Variants in CCDC171 observed in about 807,000 individuals in gnomAD.
CCDC171 encodes the protein coiled-coil domain containing 171.
A neutral mutation model predicts 168.2 loss-of-function variants in CCDC171; 177 were observed. The ratio of observed to expected loss-of-function variants is 1.05; its 90% CI spans 0.93 to 1.19. The LOEUF (loss-of-function observed/expected upper bound fraction) is 1.19. CCDC171 is among the 50% of genes most tolerant of loss of function. The pLI is 0.00. For missense variants in CCDC171, 1,991 were observed against 1,539.0 expected, an observed-to-expected ratio of 1.29 and a Z score of -4.91; for synonymous variants, 687 against 540.8, an observed-to-expected ratio of 1.27 and a Z score of -3.75.
chr9:15,679,375 A>G (rs2049879435), intron 10 of CCDC171, among the ~76,000 whole-genome samples: 1 of 152,200 alleles, frequency 6.6e-6, no homozygotes, highest in Non-Finnish European at 1.5e-5. Context: ...TTTAAAACTC[A>G]TCAGCATCTC....
intron 18 of CCDC171, among the ~76,000 whole-genome samples, chr9:15,747,441 G>T (rs1415539855): frequency 6.6e-6 from 1 of 152,166 alleles, no homozygotes; most frequent in Non-Finnish European, 1.5e-5. Context: ...CCTGACCCTC[G>T]TGTAGCCTGA....
chr9:15,893,797 G>A (rs559041418), intron 24 of CCDC171, among the ~76,000 whole-genome samples: 3 of 152,266 alleles, frequency 2.0e-5, no homozygotes, highest in South Asian at 2.1e-4. Context: ...TGGTGAGGTC[G>A]TGGAGAAAAA....
At chr9:15,682,562 C>T (rs1434190083) in intron 10 of CCDC171, among the ~76,000 whole-genome samples, 1 of 151,776 alleles carries the variant, frequency 6.6e-6, no homozygotes, top group South Asian at 2.1e-4. Context: ...TGGGTAATTA[C>T]TATCTCAAAC....
intron 16 of CCDC171, among the ~76,000 whole-genome samples, chr9:15,742,317 A>G (rs1170239196): frequency 6.6e-6 from 1 of 152,208 alleles, no homozygotes; most frequent in Non-Finnish European, 1.5e-5. Context: ...GTAGCACATA[A>G]GGTACTCAGT....
intron 6 of CCDC171, among the ~76,000 whole-genome samples, chr9:15,598,239 T>C (rs1007775401): frequency 1.2e-4 from 18 of 152,172 alleles, no homozygotes; most frequent in African/African-American, 4.1e-4. Flanking sequence ...AATTGTGATG[T>C]TAGGGTGTCA....
At chr9:15,797,201 C>A (rs2058599471) in intron 21 of CCDC171, among the ~76,000 whole-genome samples, 1 of 152,058 alleles carries the variant, frequency 6.6e-6, no homozygotes, top group African/African-American at 2.4e-5. Context: ...TCTGTTCAAA[C>A]CATGTGATAT....
chr9:15,928,317 A>G (rs1826117351), intron 25 of CCDC171, among the ~76,000 whole-genome samples: 1 of 151,704 alleles, frequency 6.6e-6, no homozygotes, highest in South Asian at 2.1e-4. Flanking sequence ...TTGAAATCTC[A>G]GTTGAAAAAA....
chr9:15,757,306 GT>G (rs1470246587), intron 18 of CCDC171, among the ~76,000 whole-genome samples: 2 of 152,178 alleles, frequency 1.3e-5, no homozygotes, highest in South Asian at 2.1e-4. Context: ...TGAGGAACTT[GT>G]AGGGTATTGG....
chr9:16,016,467 A>G (rs1410046248), intron 3 of CCDC171, among the ~76,000 whole-genome samples: 1 of 152,216 alleles, frequency 6.6e-6, no homozygotes, highest in East Asian at 1.9e-4. Flanking sequence ...AGCAATGGCC[A>G]GAGCTGCTGA....
chr9:15,946,067 A>C (rs1828336874), intron 25 of CCDC171, among the ~76,000 whole-genome samples: 1 of 151,958 alleles, frequency 6.6e-6, no homozygotes, highest in Non-Finnish European at 1.5e-5. Context: ...ATAAGGTGTA[A>C]GGAAGGGATC....
At chr9:15,928,776 A>G (rs1385933902) in intron 25 of CCDC171, among the ~76,000 whole-genome samples, 13 of 151,762 alleles carry the variant, frequency 8.6e-5, no homozygotes, top group Admixed American at 2.0e-4. Flanking sequence ...CTCAGTCAGC[A>G]TGCAAAATAT....
At chr9:15,995,641 G>A (rs966130264) in intron 3 of CCDC171, among the ~76,000 whole-genome samples, 3 of 152,320 alleles carry the variant, frequency 2.0e-5, no homozygotes, top group South Asian at 2.1e-4. Flanking sequence ...ACTTGTTCTC[G>A]TATCAGATTT....
At chr9:16,006,583 C>T (rs1007620235) in intron 3 of CCDC171, among the ~76,000 whole-genome samples, 1 of 143,474 alleles carries the variant, frequency 7.0e-6, no homozygotes, top group Non-Finnish European at 1.5e-5. Flanking sequence ...CCTCCCCCCT[C>T]CCCTCACCCC....
intron 16 of CCDC171, 54 bp downstream of exon 16, chr9:15,729,852 A>G: frequency 6.8e-7 from 1 of 1,474,538 alleles, no homozygotes; most frequent in South Asian, 1.3e-5. Flanking sequence ...TGTAACCATT[A>G]GAAACTTTTT....
chr9:15,989,674 C>G (rs1832120733), intron 3 of CCDC171, among the ~76,000 whole-genome samples: 2 of 151,926 alleles, frequency 1.3e-5, no homozygotes, highest in South Asian at 2.1e-4. Context: ...AGCTAAAAAC[C>G]TTGAAAAAAA....
intron 25 of CCDC171, among the ~76,000 whole-genome samples, chr9:15,950,594 G>A (rs1308057709): frequency 6.6e-6 from 1 of 151,896 alleles, no homozygotes; most frequent in Non-Finnish European, 1.5e-5. Flanking sequence ...GTCACCACCA[G>A]ACCTGCCCTA....
chr9:15,777,398 T>A (rs1272298867), intron 18 of CCDC171, among the ~76,000 whole-genome samples: 2 of 152,210 alleles, frequency 1.3e-5, no homozygotes, highest in Non-Finnish European at 2.9e-5. Context: ...TTTTTTTTGA[T>A]GTATTCTTTA....
intron 10 of CCDC171, among the ~76,000 whole-genome samples, chr9:15,682,484 T>A (rs2133491841): frequency 6.6e-6 from 1 of 152,164 alleles, no homozygotes; most frequent in South Asian, 2.1e-4. Context: ...CACAAAATAA[T>A]TGTATTAATA....
the CCDC171 span, among the ~76,000 whole-genome samples, chr9:16,103,568 T>C: frequency 6.6e-6 from 1 of 152,164 alleles, no homozygotes; most frequent in Admixed American, 6.5e-5. Flanking sequence ...GAAGAAAAAT[T>C]GAGAAATGTC....
Sources: allele counts gnomAD v4.1 joint callset (sites outside exome capture counted in the v4.1 genomes callset), GRCh38; gene constraint gnomAD v4.1.1; transcripts MANE v1.5; gene names NCBI Gene and HGNC (gene_info 2026-07-23, HGNC 2026-07-21).